Variants in ATF7IP observed in about 807,000 individuals in gnomAD.
ATF7IP encodes activating transcription factor 7-interacting protein 1.
Under a neutral mutation model 106.4 loss-of-function variants are expected in ATF7IP, and 23 were observed. That is an observed-to-expected ratio of 0.22 (90% confidence interval 0.16 to 0.31). The LOEUF is 0.31. Among genes scored for constraint, ATF7IP ranks in the 10% least tolerant of loss-of-function variants. The pLI is 1.00. For synonymous variants in ATF7IP, 542 were observed against 539.0 expected, an observed-to-expected ratio of 1.01 and a Z score of -0.08; for missense variants, 1,334 against 1,524.3, an observed-to-expected ratio of 0.88 and a Z score of 2.08.
At chr12:14,369,036 G>C (rs540242773) in intron 1 of ATF7IP, 6 of 150,824 alleles carry the variant, frequency 4.0e-5, no homozygotes, top group African/African-American at 1.5e-4. Flanking sequence ...CTGCAGCCTC[G>C]ACCTCCCAGG....
chr12:14,372,704 C>G (rs928567184), intron 1 of ATF7IP, among the ~76,000 whole-genome samples: 2 of 151,994 alleles, frequency 1.3e-5, no homozygotes, highest in Non-Finnish European at 2.9e-5. Flanking sequence ...GAGAGGACCC[C>G]TTTGTATGAT....
At chr12:14,426,903 G>A (rs895097410) in intron 2 of ATF7IP, among the ~76,000 whole-genome samples, 1 of 149,910 alleles carries the variant, frequency 6.7e-6, no homozygotes, top group Non-Finnish European at 1.5e-5. Context: ...TAAAGAGACA[G>A]GCCAGGCCCT....
intron 1 of ATF7IP, among the ~76,000 whole-genome samples, chr12:14,385,685 G>A (rs1001819445): frequency 1.3e-5 from 2 of 151,880 alleles, no homozygotes; most frequent in African/African-American, 2.4e-5. Flanking sequence ...TTCCTTTTGT[G>A]TAGGCTATTT....
intron 1 of ATF7IP, among the ~76,000 whole-genome samples, chr12:14,404,149 A>G (rs1469566953): frequency 7.2e-6 from 1 of 139,636 alleles, no homozygotes; most frequent in East Asian, 2.0e-4. Flanking sequence ...TTTTTTTTCC[A>G]GTGCTAAACA....
chr12:14,419,127 T>C (rs922718959), intron 1 of ATF7IP: 1 of 152,190 alleles, frequency 6.6e-6, no homozygotes, highest in Non-Finnish European at 1.5e-5. Context: ...GCTTAATGTA[T>C]AGAATCTCAT....
At chr12:14,434,793 C>T (rs4408358) in intron 3 of ATF7IP, among the ~76,000 whole-genome samples, 79,484 of 152,034 alleles carry the variant, frequency 0.52, 21,391 homozygotes, top group African/African-American at 0.65. Flanking sequence ...TAAGGTTCTT[C>T]ATCTTCATGG....
At chr12:14,453,685 C>T (rs897513740) in intron 6 of ATF7IP, among the ~76,000 whole-genome samples, 4 of 151,646 alleles carry the variant, frequency 2.6e-5, no homozygotes, top group Admixed American at 6.6e-5. Flanking sequence ...AGTGTAACGG[C>T]GCAATCTCCA....
chr12:14,412,494 C>A (rs1386017362), intron 1 of ATF7IP, among the ~76,000 whole-genome samples: 3 of 151,824 alleles, frequency 2.0e-5, no homozygotes, highest in East Asian at 3.9e-4. Flanking sequence ...TTTTGTACTT[C>A]TTTGGCAAAA....
intron 2 of ATF7IP, among the ~76,000 whole-genome samples, chr12:14,425,983 A>T (rs1941825250): frequency 6.6e-6 from 1 of 152,188 alleles, no homozygotes; most frequent in Admixed American, 6.5e-5. Context: ...TTGATTATCC[A>T]TTTGATAAAG....
intron 1 of ATF7IP, among the ~76,000 whole-genome samples, chr12:14,384,279 G>T (rs1377183625): frequency 6.6e-6 from 1 of 152,124 alleles, no homozygotes; most frequent in African/African-American, 2.4e-5. Context: ...AAGAGAGAAA[G>T]AAAATGTGGA....
chr12:14,445,298 G>T lies in ATF7IP; in HGVS notation c.1930-1690G>T, dbSNP rs11835480. On this transcript the variant is annotated intron_variant, in intron 5 of 14. Transcript: ENST00000261168. The stretch of plus-strand genomic sequence containing the variant: ...GCCACTGCGCCTGGCCCACCTATAT[G>T]ATTTGACTAAAGAAAAAATGACATT... Among the ~76,000 whole-genome samples the T allele has an allele frequency of 6.4e-3, 976 of 151,540 alleles. 8 individuals are homozygous for T. Among genetic ancestry groups the T allele is most frequent in the African/African-American group, 0.023 (935 of 41,378 alleles).
chr12:14,502,753 G>A lies in ATF7IP; in HGVS notation c.*4680G>A, dbSNP rs1945192396. The A allele has an allele frequency of 6.6e-6, 1 of 152,070 alleles. No homozygotes were observed. Among genetic ancestry groups the A allele is most frequent in the South Asian group, 2.1e-4 (1 of 4,826 alleles). 9.4% of individuals were successfully genotyped at this position (152,070 alleles called of 1,614,324 possible). A position where few individuals can be genotyped will look rare whatever the true frequency, so the allele number is the denominator to read the frequency against. On this transcript the variant is annotated 3_prime_UTR_variant, in exon 15 of 15. Transcript: ENST00000261168. The stretch of plus-strand genomic sequence containing the variant: ...AATGTCTAATACAAACTGGGCTCCA[G>A]CAAGTGGCCCTATTTTTATTAGGGT...
chr12:14,441,535 G>A (rs1425789663), intron 5 of ATF7IP, among the ~76,000 whole-genome samples: 5 of 145,010 alleles, frequency 3.4e-5, no homozygotes, highest in African/African-American at 1.3e-4. Flanking sequence ...CAATTCCCAG[G>A]CTGGAGTGCA....
intron 3 of ATF7IP, among the ~76,000 whole-genome samples, chr12:14,435,312 A>G (rs969918534): frequency 6.6e-6 from 1 of 152,212 alleles, no homozygotes; most frequent in African/African-American, 2.4e-5. Flanking sequence ...ACCATGGGTA[A>G]GTTAAGATTG....
intron 13 of ATF7IP, among the ~76,000 whole-genome samples, chr12:14,491,350 C>G (rs937993966): frequency 3.3e-5 from 5 of 152,196 alleles, no homozygotes; most frequent in Non-Finnish European, 5.9e-5. Flanking sequence ...AAGGCAGCAA[C>G]TAGTCTTTCA....
chr12:14,376,389 T>C (rs1012841831), intron 1 of ATF7IP, among the ~76,000 whole-genome samples: 1 of 152,212 alleles, frequency 6.6e-6, no homozygotes, highest in African/African-American at 2.4e-5. Context: ...GATTTTCCGA[T>C]TTGGTATATT....
At chr12:14,430,532 A>G (rs1942064079) in intron 2 of ATF7IP, among the ~76,000 whole-genome samples, 1 of 152,246 alleles carries the variant, frequency 6.6e-6, no homozygotes, top group Non-Finnish European at 1.5e-5. Flanking sequence ...GAAAAGTCAC[A>G]TTACCAGTCA....
At chr12:14,480,863 A>C (rs551460325) in intron 12 of ATF7IP, 140 bp from the exon 13 acceptor site, 2 of 697,858 alleles carry the variant, frequency 2.9e-6, no homozygotes, top group Admixed American at 6.2e-5. Context: ...TTATCTTAGA[A>C]GATCATAAAA....
intron 1 of ATF7IP, among the ~76,000 whole-genome samples, chr12:14,402,714 T>G (rs756203327): frequency 4.0e-5 from 6 of 151,772 alleles, no homozygotes; most frequent in Non-Finnish European, 7.4e-5. Flanking sequence ...GTTCAAGCGA[T>G]TCTCCTGCCT....
Sources: allele counts gnomAD v4.1 joint callset (sites outside exome capture counted in the v4.1 genomes callset), GRCh38; gene constraint gnomAD v4.1.1; transcripts MANE v1.5; gene names NCBI Gene and HGNC (gene_info 2026-07-23, HGNC 2026-07-21).